MEA1: variants seen among roughly 807,000 people sequenced by gnomAD.
The protein encoded by MEA1 is Male-enhanced antigen (H-Y structural gene).
MEA1 carries 22 observed loss-of-function variants against 21.4 expected under a neutral mutation model. That is an observed-to-expected ratio of 1.03 (90% CI 0.73 to 1.47). The LOEUF (loss-of-function observed/expected upper bound fraction) is 1.47. Among genes scored for constraint, MEA1 ranks in the 40% most tolerant of loss-of-function variants. The probability of loss-of-function intolerance (pLI) is 0.00; values close to 1 mark genes in which losing one functional copy is unlikely to be tolerated. For synonymous variants in MEA1, 91 were observed against 85.5 expected (o/e 1.06, Z -0.35); for missense variants, 233 against 230.5 (o/e 1.01, Z -0.07).
In MEA1 at chr6:43,013,382, G is replaced by A; in HGVS notation, c.36C>T (p.Ala12=). Residue 12 remains alanine (A), a synonymous_variant, in exon 2 of 4, where the codon GCC becomes GCT. Coordinates refer to ENST00000244711, the MANE Select transcript of MEA1 (RefSeq NM_014623.4). ...GPERHLSGAP[A]RMATVVLGGD... ...CTCCTAGAACTACTGTTGCCATCCG[G>A]GCAGGGGCTGCAAGAACAGGGAGGC... The A allele has an allele frequency of 1.9e-6, 3 of 1,612,566 alleles. No individual in the cohort carries two copies. Among genetic ancestry groups the A allele is most frequent in the South Asian group, 2.2e-5 (2 of 91,074 alleles).
chr6:43,012,675 C>T, intron 3 of MEA1, 54 bp from the exon 4 acceptor site: 2 of 1,533,356 alleles, frequency 1.3e-6, no homozygotes, highest in Non-Finnish European at 1.8e-6. Context: ...ACCAGCTCCC[C>T]TCCCCAATCC....
At position 43,013,224 on chromosome 6, in the gene MEA1, G is replaced by A. The variant is rs1312314614; in HGVS notation, c.194C>T (p.Pro65Leu). ...CAGGGGCTGGTAGGAGTAGCCAGCT[G>A]GGCCCGACCCCGTTTCCTCCTGCTC... ...EEEQEETGSG[P>L]AGYSYQPLNQ... Residue 65 changes from proline to leucine, a missense_variant, in exon 2 of 4, where the codon CCA becomes CTA. Transcript: ENST00000244711. 13 of 1,614,002 alleles carry A rather than the reference G, an allele frequency of 8.1e-6. No homozygotes were observed. Among genetic ancestry groups the A allele is most frequent in the African/African-American group, 2.7e-5 (2 of 74,878 alleles).
rs550881684 is a variant in MEA1, at chr6:43,011,150, T to C, written c.*1320A>G. The C allele has an allele frequency of 1.0e-4, 163 of 1,614,086 alleles. 3 individuals are homozygous for C. The South Asian group carries it at 1.7e-3, about 17-fold the overall frequency. Reference sequence around the variant, plus strand: ...CACCTTGTCCCTATTCACACACAGATGCTAAAAGACATCAAGAAGGAGAAA... The same window carrying C: ...CACCTTGTCCCTATTCACACACAGACGCTAAAAGACATCAAGAAGGAGAAA... On this transcript the variant is annotated 3_prime_UTR_variant, in exon 4 of 4. Transcript: ENST00000244711.
At chr6:43,014,994 G>C (rs989646135), upstream of MEA1, among the ~76,000 whole-genome samples, 2 of 152,140 alleles carry the variant, frequency 1.3e-5, no homozygotes, top group East Asian at 3.8e-4. Context: ...CCTTGAATTT[G>C]AGTTGTTTAT....
In MEA1 at chr6:43,012,108, A is replaced by G. The variant is rs1581865968; in HGVS notation, c.*362T>C. 1 of 733,820 alleles carries G rather than the reference A, an allele frequency of 1.4e-6. No individual in the cohort carries two copies. Among genetic ancestry groups the G allele is most frequent in the Non-Finnish European group, 1.7e-6 (1 of 595,472 alleles). The allele number at this position is 733,820 out of a possible 1,614,324, so 45.5% of individuals were successfully genotyped here. A position where few individuals can be genotyped will look rare whatever the true frequency, so the allele number is the denominator to read the frequency against. On this transcript the variant is annotated 3_prime_UTR_variant, in exon 4 of 4. Transcript: ENST00000244711. ...CCAAGCATGGCTCCTGCCAACACCTATTTATTTCCTTGTTTGTGCTATGCT... is the reference window on the plus strand; with the variant it reads ...CCAAGCATGGCTCCTGCCAACACCTGTTTATTTCCTTGTTTGTGCTATGCT...
At chr6:43,012,689 A>C (rs1762412443) in intron 3 of MEA1, 68 bp from the exon 4 acceptor site, 1 of 1,511,286 alleles carries the variant, frequency 6.6e-7, no homozygotes, top group East Asian at 2.3e-5. Flanking sequence ...CCAATCCCCG[A>C]ATCAACCCAG....
chr6:43,011,873 A>G lies in MEA1; in HGVS notation c.*597T>C, dbSNP rs1281819853. 2 of 158,924 alleles carry G rather than the reference A, an allele frequency of 1.3e-5. No homozygotes were observed. The highest frequency in any genetic ancestry group is 4.8e-5 in the African/African-American group (2 of 41,502). 9.8% of individuals were successfully genotyped at this position (158,924 alleles called of 1,614,324 possible). On this transcript the variant is annotated 3_prime_UTR_variant, in exon 4 of 4. Transcript: ENST00000244711. The stretch of plus-strand genomic sequence containing the variant: ...GACCAAGGGAGGTCAAAAGGAGAAA[A>G]GTATAGGCTGTGGACAATAACTGAT...
chr6:43,011,329 G>A lies in MEA1; in HGVS notation c.*1141C>T, dbSNP rs778299723. ...ACAGGGCCACAGCCCACACAGCCCT[G>A]GGACACTGCCCTGGCCCTCCATACT... On this transcript the variant is annotated 3_prime_UTR_variant, in exon 4 of 4. Transcript: ENST00000244711. 1 of 1,611,366 alleles carries A rather than the reference G, an allele frequency of 6.2e-7. No homozygotes were observed. Among genetic ancestry groups the A allele is most frequent in the Non-Finnish European group, 8.5e-7 (1 of 1,179,246 alleles).
Position 43,011,735 on chromosome 6 carries a change from T to C in MEA1, c.*735A>G, listed in dbSNP as rs563860797. The C allele has an allele frequency of 7.0e-5, 12 of 171,942 alleles. No individual in the cohort carries two copies. In the South Asian group the frequency reaches 8.4e-4, roughly 12 times the overall value. The allele number at this position is 171,942 out of a possible 1,614,324, so 10.7% of individuals were successfully genotyped here. ...CTCACCAAAGTTATGTCAAGCCCCA[T>C]TGGTCCCAGAGTAGCTGAAGGGAAG... On this transcript the variant is annotated 3_prime_UTR_variant, in exon 4 of 4. Coordinates refer to ENST00000244711, the MANE Select transcript of MEA1 (RefSeq NM_014623.4).
chr6:43,012,912 G>A lies in MEA1; in HGVS notation c.406+14C>T. On this transcript the variant is annotated intron_variant, in intron 3 of 3. Coordinates refer to ENST00000244711, the MANE Select transcript of MEA1 (RefSeq NM_014623.4). ...CCTTAGTAATTATTCCAGAATGAAA[G>A]AATGATCTTTTACCTGGGTCCATGG... 3.1e-6 allele frequency: 5 copies of A among 1,606,064 alleles called. No individual in the cohort carries two copies. The highest frequency in any genetic ancestry group is 4.3e-6 in the Non-Finnish European group (5 of 1,172,854).
At position 43,013,845 on chromosome 6, in the gene MEA1, T is replaced by TG; in HGVS notation, c.-33_-32insC. 5 of 1,533,300 alleles carry TG rather than the reference T, an allele frequency of 3.3e-6. No homozygotes were observed. Among genetic ancestry groups the TG allele is most frequent in the Non-Finnish European group, 3.5e-6 (4 of 1,141,038 alleles). 95.0% of individuals were successfully genotyped at this position (1,533,300 alleles called of 1,614,324 possible). ...CCCTCAAATGGCCCCAGCTGCAGCG[T>TG]CCCCCACCCGCCCCCATCCGAATCC... On this transcript the variant is annotated 5_prime_UTR_variant, in exon 1 of 4. Coordinates refer to ENST00000244711, the MANE Select transcript of MEA1 (RefSeq NM_014623.4).
rs369976950 is a variant in MEA1, at chr6:43,012,193, C to T, written c.*277G>A. On this transcript the variant is annotated 3_prime_UTR_variant, in exon 4 of 4. Transcript: ENST00000244711. ...GGAGGGGCCAGGGGCTGAGGAAGGCCGGACCCAGGTTCCAGGGGCGCAGGC... is the reference window on the plus strand; with the variant it reads ...GGAGGGGCCAGGGGCTGAGGAAGGCTGGACCCAGGTTCCAGGGGCGCAGGC... The T allele has an allele frequency of 2.3e-5, 26 of 1,140,776 alleles. No individual in the cohort carries two copies. Among genetic ancestry groups the T allele is most frequent in the East Asian group, 9.2e-5 (2 of 21,826 alleles). 70.7% of individuals were successfully genotyped at this position (1,140,776 alleles called of 1,614,324 possible). A position where few individuals can be genotyped will look rare whatever the true frequency, so the allele number is the denominator to read the frequency against.
chr6:43,014,362 G>C, upstream of MEA1: 1 of 621,318 alleles, frequency 1.6e-6, no homozygotes, highest in South Asian at 1.7e-5. Flanking sequence ...GCCTGGGATG[G>C]GTAGAAGGGC....
Position 43,011,797 on chromosome 6 carries a change from CA to C in MEA1, c.*672del, listed in dbSNP as rs1762363950. ...GCAGCACAAATAGGCCCCCCAGTCC[CA>C]GCCGTGTGCTGGCAGATAGGGTTGT... is the stretch of plus-strand genomic sequence containing the variant. On this transcript the variant is annotated 3_prime_UTR_variant, in exon 4 of 4. Transcript: ENST00000244711. 6.0e-6 allele frequency: 1 copy of C among 166,036 alleles called. No individual in the cohort carries two copies. Among genetic ancestry groups the C allele is most frequent in the African/African-American group, 2.4e-5 (1 of 41,614 alleles). The allele number at this position is 166,036 out of a possible 1,614,324, so 10.3% of individuals were successfully genotyped here.
At chr6:43,015,253 T>A (rs958347357), upstream of MEA1, among the ~76,000 whole-genome samples, 3 of 151,648 alleles carry the variant, frequency 2.0e-5, no homozygotes, top group Admixed American at 6.6e-5. Flanking sequence ...TCAGGATGGG[T>A]CCCATGGCTA....
At chr6:43,013,658 C>T (rs111719881) in intron 1 of MEA1, 128 bp downstream of exon 1, 1 of 1,046,128 alleles carries the variant, frequency 9.6e-7, no homozygotes, top group Admixed American at 2.3e-5. Flanking sequence ...AAAAGACACC[C>T]CTTCCAGAAC....
Position 43,012,271 on chromosome 6 carries a change from C to T in MEA1, c.*199G>A. The stretch of plus-strand genomic sequence containing the variant: ...GTGCTTTATTCTCCACAGAGTGATA[C>T]ATGCTAAGGTGGGTTGGGCTTGGAC... On this transcript the variant is annotated 3_prime_UTR_variant, in exon 4 of 4. Coordinates refer to ENST00000244711, the MANE Select transcript of MEA1 (RefSeq NM_014623.4). 7.4e-7 allele frequency: 1 copy of T among 1,343,668 alleles called. No individual in the cohort carries two copies. Among genetic ancestry groups the T allele is most frequent in the Non-Finnish European group, 9.6e-7 (1 of 1,046,698 alleles). 83.2% of individuals were successfully genotyped at this position (1,343,668 alleles called of 1,614,324 possible).
intron 1 of MEA1, 124 bp from the exon 2 acceptor site, chr6:43,013,513 C>T: frequency 1.9e-6 from 2 of 1,064,248 alleles, no homozygotes; most frequent in Non-Finnish European, 1.3e-6. Context: ...CTCCTGCATC[C>T]TCCACCCCTC....
chr6:43,014,408 G>C (rs987035813), upstream of MEA1: 1 of 582,666 alleles, frequency 1.7e-6, no homozygotes, highest in Admixed American at 2.2e-5. Context: ...GTGCTGTCTG[G>C]AGCTGGAGTG....
Sources: gnomAD v4.1 joint callset for allele counts (sites outside exome capture counted in the v4.1 genomes callset) on GRCh38, gnomAD v4.1.1 for gene constraint, MANE v1.5 for transcripts, NCBI Gene and HGNC (gene_info 2026-07-23, HGNC 2026-07-21) for gene names.